The following SLC4A4 variants were observed in gnomAD, a reference collection of about 807,000 sequenced individuals.
SLC4A4 encodes solute carrier family 4 member 4.
Under a neutral mutation model 111.5 loss-of-function variants are expected in SLC4A4, and 27 were observed. That is an observed-to-expected ratio of 0.24 (90% CI 0.18 to 0.33). The LOEUF is 0.33. Ranked by LOEUF, SLC4A4 falls within the 10% of genes least tolerant of loss-of-function variation. The pLI is 1.00. For missense variants in SLC4A4, 909 were observed against 1,315.5 expected (o/e 0.69, Z 4.78); for synonymous variants, 443 against 463.4 (o/e 0.96, Z 0.57).
At chr4:71,415,170 G>A (rs1721721980) in intron 7 of SLC4A4, among the ~76,000 whole-genome samples, 1 of 152,202 alleles carries the variant, frequency 6.6e-6, no homozygotes, top group African/African-American at 2.4e-5. Flanking sequence ...CTTACCTAGG[G>A]AGGTACTTTA....
Position 71,410,550 on chromosome 4 carries a change from A to T in SLC4A4, c.807+12897A>T, listed in dbSNP as rs548102383. On this transcript the variant is annotated intron_variant, in intron 7 of 25. Coordinates refer to ENST00000264485, the MANE Select transcript of SLC4A4 (RefSeq NM_001098484.3). ...GTACTCCCATTGTATCTAGGAAGTA[A>T]CTAGCTTGCTTTTGATTTTACAGGC... 4.6e-5 allele frequency among the ~76,000 whole-genome samples: 7 copies of T among 152,262 alleles called. No homozygotes were observed. In the South Asian group the frequency reaches 1.5e-3, roughly 32 times the overall value.
chr4:71,378,388 A>G (rs1446591065), intron 6 of SLC4A4, among the ~76,000 whole-genome samples: 1 of 152,170 alleles, frequency 6.6e-6, no homozygotes, highest in Non-Finnish European at 1.5e-5. Flanking sequence ...TACTCTTACA[A>G]TGGAGGATGA....
rs73828123 is a variant in SLC4A4 at position 71,380,210 on chromosome 4, T to A, written c.731-17367T>A. Among the ~76,000 whole-genome samples, 1,376 of 152,292 alleles carry A rather than the reference T, an allele frequency of 9.0e-3. 23 individuals carry two copies. The highest frequency in any genetic ancestry group is 0.029 in the African/African-American group (1,224 of 41,558). On this transcript the variant is annotated intron_variant, in intron 6 of 25. Coordinates refer to ENST00000264485, the MANE Select transcript of SLC4A4 (RefSeq NM_001098484.3). ...TGGTTAGGGCCTTCGTTTCTTACTG[T>A]CTAGATCATTCTATCCATGACTGAG...
chr4:71,069,687 C>A (rs538787294), intron 1 of SLC4A4, among the ~76,000 whole-genome samples: 3 of 152,190 alleles, frequency 2.0e-5, no homozygotes, highest in African/African-American at 7.2e-5. Flanking sequence ...TCACTTTATC[C>A]TTATTTTATA....
chr4:71,245,185 G>C (rs552293321), intron 2 of SLC4A4, among the ~76,000 whole-genome samples: 3 of 152,258 alleles, frequency 2.0e-5, no homozygotes, highest in Admixed American at 6.5e-5. Flanking sequence ...TGTGAACAGG[G>C]GGAGAGTTCT....
intron 7 of SLC4A4, among the ~76,000 whole-genome samples, chr4:71,398,209 C>G (rs553408934): frequency 2.0e-5 from 3 of 150,674 alleles, no homozygotes; most frequent in Non-Finnish European, 4.4e-5. Flanking sequence ...CGCTTGAACC[C>G]GAGAGGCAGA....
Position 71,472,920 on chromosome 4 carries a change from A to C in SLC4A4, c.1853A>C (p.Lys618Thr). ...TACTACCCCATCAACTCCAACTTCA[A>C]AGTGGGCTACAACACTCTCTTTTCC... is the stretch of plus-strand genomic sequence containing the variant. ...ADYYPINSNFKVGYNTLFSCT... is the reference protein window; with the variant it reads ...ADYYPINSNFTVGYNTLFSCT... The change falls in exon 14 of 26, where the codon AAA becomes ACA. Residue 618 changes from lysine to threonine, a missense_variant. By Grantham distance (78) the Lys-to-Thr change is moderately conservative (BLOSUM62 -1). Coordinates refer to ENST00000264485, the MANE Select transcript of SLC4A4 (RefSeq NM_001098484.3). The C allele has an allele frequency of 6.2e-7, 1 of 1,612,898 alleles. No homozygotes were observed. The highest frequency in any genetic ancestry group is 8.5e-7 in the Non-Finnish European group (1 of 1,179,346).
At chr4:71,306,670 A>G (rs1406025252) in intron 3 of SLC4A4, among the ~76,000 whole-genome samples, 3 of 152,226 alleles carry the variant, frequency 2.0e-5, no homozygotes, top group Admixed American at 6.5e-5. Context: ...ACTAAGCACT[A>G]AGGATAGTAA....
intron 7 of SLC4A4, among the ~76,000 whole-genome samples, chr4:71,416,828 G>C (rs1407456209): frequency 3.9e-5 from 6 of 152,100 alleles, no homozygotes; most frequent in Admixed American, 3.9e-4. Flanking sequence ...AAGGAATTCA[G>C]TGTACAGCTG....
chr4:71,562,565 A>T (rs1737089244), intron 23 of SLC4A4, among the ~76,000 whole-genome samples: 1 of 151,402 alleles, frequency 6.6e-6, no homozygotes, highest in Admixed American at 6.6e-5. Flanking sequence ...AGAGAGTAGG[A>T]TTGCAACCAC....
At chr4:71,087,564 A>C (rs893389710) in intron 1 of SLC4A4, among the ~76,000 whole-genome samples, 9 of 152,032 alleles carry the variant, frequency 5.9e-5, no homozygotes, top group African/African-American at 1.9e-4. Context: ...TTCCCCCTAC[A>C]CACTGCTTTG....
chr4:71,211,629 T>C (rs1375160289), intron 1 of SLC4A4, among the ~76,000 whole-genome samples: 3 of 152,184 alleles, frequency 2.0e-5, no homozygotes, highest in Admixed American at 2.0e-4. Context: ...AAACCTGAAG[T>C]GTTGGAGCTC....
At chr4:71,163,337 T>C (rs1744657961) in intron 2 of SLC4A4, among the ~76,000 whole-genome samples, 1 of 152,234 alleles carries the variant, frequency 6.6e-6, no homozygotes, top group South Asian at 2.1e-4. Context: ...AATTTAGATG[T>C]ATCTGTACAA....
chr4:71,334,492 G>A (rs1317488587), intron 3 of SLC4A4, among the ~76,000 whole-genome samples: 2 of 152,142 alleles, frequency 1.3e-5, no homozygotes, highest in African/African-American at 4.8e-5. Context: ...GGTGGTGCAA[G>A]CACTTTCTTG....
chr4:71,227,889 A>T (rs1331107054), intron 1 of SLC4A4, among the ~76,000 whole-genome samples: 1 of 152,174 alleles, frequency 6.6e-6, no homozygotes, highest in African/African-American at 2.4e-5. Flanking sequence ...CCTCTGAGAA[A>T]ATGTTGGAAG....
intron 3 of SLC4A4, among the ~76,000 whole-genome samples, chr4:71,276,931 C>T (rs959092010): frequency 2.0e-5 from 3 of 152,010 alleles, no homozygotes; most frequent in Non-Finnish European, 2.9e-5. Context: ...ACCTGTGGTC[C>T]CAGCTACTTG....
intron 1 of SLC4A4, chr4:71,236,249 TTGC>T: frequency 8.4e-6 from 9 of 1,074,962 alleles, no homozygotes; most frequent in South Asian, 5.8e-5. Context: ...TTTTTTTTTT[TTGC>T]TTTCATCCTT....
chr4:71,161,033 C>A (rs1236509044), intron 2 of SLC4A4, among the ~76,000 whole-genome samples: 1 of 152,132 alleles, frequency 6.6e-6, no homozygotes, highest in Non-Finnish European at 1.5e-5. Context: ...GATTAGGGCT[C>A]TATGCCTGGG....
At chr4:71,357,930 T>C (rs948857540) in intron 6 of SLC4A4, among the ~76,000 whole-genome samples, 2 of 152,076 alleles carry the variant, frequency 1.3e-5, no homozygotes, top group East Asian at 1.9e-4. Context: ...CCATGAGGTA[T>C]GGAAAATGAA....
Sources: gnomAD v4.1 joint callset for allele counts (sites outside exome capture counted in the v4.1 genomes callset) on GRCh38, gnomAD v4.1.1 for gene constraint, MANE v1.5 for transcripts, NCBI Gene and HGNC (gene_info 2026-07-23, HGNC 2026-07-21) for gene names.